The following ANXA8 variants were observed in gnomAD, a reference collection of about 807,000 sequenced individuals.
The protein encoded by ANXA8 is VAC-beta.
In ANXA8, 9 loss-of-function variants were observed where a neutral mutation model predicts 26.8. The observed-to-expected ratio is 0.34, with a 90% CI of 0.20 to 0.59. The LOEUF (loss-of-function observed/expected upper bound fraction) is 0.59, where lower values mean the gene tolerates loss of function less well. Among genes scored for constraint, ANXA8 ranks in the 20% least tolerant of loss-of-function variants. ANXA8 has a pLI of 0.84. For synonymous variants in ANXA8, 39 were observed against 94.8 expected (o/e 0.41, Z 3.42); for missense variants, 83 against 238.5 (o/e 0.35, Z 4.29).
At chr10:47,685,730 T>C in the ANXA8 span, among the ~76,000 whole-genome samples, 10 of 148,664 alleles carry the variant, frequency 6.7e-5, no homozygotes, top group African/African-American at 2.2e-4. Context: ...GAGAGAGAAA[T>C]TGGAGAGGTA....
At chr10:47,669,225 C>A in the ANXA8 span, among the ~76,000 whole-genome samples, 1 of 151,386 alleles carries the variant, frequency 6.6e-6, no homozygotes, top group Non-Finnish European at 1.5e-5. Flanking sequence ...AAGGAGCTTT[C>A]AGCCAGCCTT....
chr10:47,672,161 A>G, the ANXA8 span, among the ~76,000 whole-genome samples: 1 of 150,220 alleles, frequency 6.7e-6, no homozygotes, highest in African/African-American at 2.5e-5. Flanking sequence ...GGTCATTTTC[A>G]AAAAAAGATG....
At chr10:47,668,144 C>T in the ANXA8 span, among the ~76,000 whole-genome samples, 2 of 150,322 alleles carry the variant, frequency 1.3e-5, no homozygotes, top group African/African-American at 5.0e-5. Flanking sequence ...GTGGATTCCC[C>T]ATTGCATAGA....
chr10:47,706,573 A>G, the ANXA8 span: 3 of 725,852 alleles, frequency 4.1e-6, 1 homozygote, highest in Middle Eastern at 7.5e-4. Context: ...AAAGACCTGC[A>G]TATGGAAAGG....
At chr10:47,768,690 G>T in the ANXA8 span, among the ~76,000 whole-genome samples, 2 of 151,812 alleles carry the variant, frequency 1.3e-5, no homozygotes, top group Admixed American at 1.3e-4. Context: ...CTCCAGCCCA[G>T]AGAGTGGGGG....
At chr10:47,957,919 G>T in the ANXA8 span, among the ~76,000 whole-genome samples, 1 of 150,376 alleles carries the variant, frequency 6.6e-6, no homozygotes. Flanking sequence ...TCAATAATAA[G>T]AAGACAAACA....
chr10:47,486,747 T>C (rs1480564663), upstream of ANXA8, among the ~76,000 whole-genome samples: 3,911 of 128,910 alleles, frequency 0.03, 42 homozygotes, highest in East Asian at 0.063. Flanking sequence ...GTCAGGAGTT[T>C]GAGACCAGCC....
At chr10:47,778,590 A>G in the ANXA8 span, among the ~76,000 whole-genome samples, 4 of 151,868 alleles carry the variant, frequency 2.6e-5, no homozygotes, top group Admixed American at 6.6e-5. Flanking sequence ...AGTTTGTGGT[A>G]CAGAAGCAAT....
At chr10:47,953,781 A>T in the ANXA8 span, among the ~76,000 whole-genome samples, 1 of 150,844 alleles carries the variant, frequency 6.6e-6, no homozygotes, top group Non-Finnish European at 1.5e-5. Context: ...ACACATAGGC[A>T]TATGAAAAGG....
the ANXA8 span, chr10:47,563,672 T>A: frequency 1.2e-6 from 1 of 819,398 alleles, no homozygotes; most frequent in East Asian, 2.4e-5. Context: ...GACATACAAG[T>A]GTGCAGTGGT....
chr10:47,762,136 T>A, the ANXA8 span, among the ~76,000 whole-genome samples: 1 of 145,828 alleles, frequency 6.9e-6, no homozygotes, highest in African/African-American at 2.5e-5. Context: ...AAGGCTGGAC[T>A]CTTCTCTAAC....
At chr10:47,944,498 T>C in the ANXA8 span, among the ~76,000 whole-genome samples, 1 of 150,282 alleles carries the variant, frequency 6.7e-6, no homozygotes, top group African/African-American at 2.5e-5. Context: ...TTTGGCTGTG[T>C]CTCCATCCAA....
At chr10:47,959,326 A>G in the ANXA8 span, among the ~76,000 whole-genome samples, 2 of 147,386 alleles carry the variant, frequency 1.4e-5, no homozygotes, top group South Asian at 4.2e-4. Context: ...CTGCTTTGAG[A>G]AAAGGAATCC....
At chr10:47,586,438 A>G in the ANXA8 span, among the ~76,000 whole-genome samples, 1 of 145,664 alleles carries the variant, frequency 6.9e-6, no homozygotes, top group Admixed American at 6.7e-5. Flanking sequence ...CTCTCACTGT[A>G]AGAACTACTT....
chr10:47,946,213 A>T, the ANXA8 span, among the ~76,000 whole-genome samples: 1 of 148,086 alleles, frequency 6.8e-6, no homozygotes, highest in Non-Finnish European at 1.5e-5. Flanking sequence ...CCATCCTTCA[A>T]CATTCAGTTC....
rs1287356192 is a variant in ANXA8 at position 47,477,092 on chromosome 10, C to T, written c.310G>A (p.Asp104Asn). The change falls in exon 4 of 12, where the codon GAC becomes AAC. Residue 104 changes from aspartate (D) to asparagine (N), a missense_variant. By Grantham distance (23) the Asp-to-Asn change is conservative (BLOSUM62 1). Transcript: ENST00000585281. Reference sequence around the variant, plus strand: ...GTCTGCCTGGTTACCTTCATGGCGTCATGCAGCTCCTTGGCTTCGTATCTG... The same window carrying T: ...GTCTGCCTGGTTACCTTCATGGCGTTATGCAGCTCCTTGGCTTCGTATCTG... ...PYRYEAKELH[D>N]AMKGLGTKEG... The T allele has an allele frequency of 1.3e-6, 2 of 1,592,900 alleles. No homozygotes were observed. Among genetic ancestry groups the T allele is most frequent in the African/African-American group, 1.3e-5 (1 of 74,414 alleles).
chr10:47,497,757 G>A, the ANXA8 span, among the ~76,000 whole-genome samples: 1 of 150,036 alleles, frequency 6.7e-6, no homozygotes, highest in Non-Finnish European at 1.5e-5. Context: ...GGCGAACATG[G>A]TGAAACCCCG....
chr10:47,637,006 T>G, the ANXA8 span, among the ~76,000 whole-genome samples: 3 of 151,282 alleles, frequency 2.0e-5, no homozygotes, highest in Non-Finnish European at 2.9e-5. Flanking sequence ...TTTCTCTCAC[T>G]TTGCGTCATT....
chr10:47,597,629 C>A, the ANXA8 span, among the ~76,000 whole-genome samples: 3 of 129,814 alleles, frequency 2.3e-5, no homozygotes, highest in African/African-American at 3.2e-5. Flanking sequence ...AACTGAGAAC[C>A]AAATCAAGAA....
Sources: gnomAD v4.1 joint callset for allele counts (sites outside exome capture counted in the v4.1 genomes callset) on GRCh38, gnomAD v4.1.1 for gene constraint, MANE v1.5 for transcripts, NCBI Gene and HGNC (gene_info 2026-07-23, HGNC 2026-07-21) for gene names.